The following ERGIC1 variants were observed in gnomAD, a reference collection of about 807,000 sequenced individuals.
The protein encoded by ERGIC1 is endoplasmic reticulum-golgi intermediate compartment 1.
In ERGIC1, 19 loss-of-function variants were observed where a neutral mutation model predicts 38.3. The ratio of observed to expected loss-of-function variants is 0.50; its 90% CI spans 0.35 to 0.73. The LOEUF is 0.73. Among genes scored for constraint, ERGIC1 ranks in the 30% least tolerant of loss-of-function variants. ERGIC1 has a pLI of 0.01. For synonymous variants in ERGIC1, 124 were observed against 157.6 expected (o/e 0.79, Z 1.60); for missense variants, 294 against 389.2 (o/e 0.76, Z 2.06).
chr5:172,860,528 T>G (rs1761670295), intron 1 of ERGIC1, among the ~76,000 whole-genome samples: 2 of 152,202 alleles, frequency 1.3e-5, no homozygotes, highest in African/African-American at 4.8e-5. Context: ...CCACTGCACC[T>G]CACTGCATGC....
intron 1 of ERGIC1, among the ~76,000 whole-genome samples, chr5:172,851,278 G>A (rs1345005826): frequency 6.6e-6 from 1 of 151,374 alleles, no homozygotes; most frequent in Non-Finnish European, 1.5e-5. Context: ...GGAGGCCGAG[G>A]CAGCCGGATC....
chr5:172,893,299 C>T (rs2113287834), intron 2 of ERGIC1, among the ~76,000 whole-genome samples: 1 of 152,242 alleles, frequency 6.6e-6, no homozygotes, highest in Admixed American at 6.5e-5. Context: ...AGGCGCCTGC[C>T]ACCGCACCTG....
chr5:172,915,219 C>G, intron 5 of ERGIC1: 2 of 600,590 alleles, frequency 3.3e-6, no homozygotes, highest in Non-Finnish European at 6.0e-6. Context: ...TATCACGATA[C>G]CACCCACTTC....
chr5:172,868,293 G>A (rs1414122617), intron 1 of ERGIC1, among the ~76,000 whole-genome samples: 1 of 152,204 alleles, frequency 6.6e-6, no homozygotes, highest in Non-Finnish European at 1.5e-5. Flanking sequence ...AGACAGCAGA[G>A]CCCCTGGCTC....
intron 7 of ERGIC1, 121 bp from the exon 8 acceptor site, chr5:172,932,314 TA>T: frequency 1.1e-6 from 1 of 907,564 alleles, no homozygotes; most frequent in Non-Finnish European, 1.7e-6. Flanking sequence ...TGGTTGGTGG[TA>T]AAACTGGGGA....
chr5:172,864,057 C>T (rs1469927062), intron 1 of ERGIC1, among the ~76,000 whole-genome samples: 1 of 151,880 alleles, frequency 6.6e-6, no homozygotes, highest in Admixed American at 6.6e-5. Context: ...ATTAGCTGGG[C>T]ATGGTGGTGC....
At chr5:172,863,474 T>G (rs1355731511) in intron 1 of ERGIC1, among the ~76,000 whole-genome samples, 1 of 152,218 alleles carries the variant, frequency 6.6e-6, no homozygotes, top group Non-Finnish European at 1.5e-5. Flanking sequence ...ACCTCCTTCC[T>G]GACGGCCAGG....
rs1003720973 is a variant in ERGIC1, at chr5:172,952,024, C to T, written c.*1208C>T. ...CCCCACCTGCTCCTGAGGTGGGTCC[C>T]TACCCTGCTGCTCCTCTTCATCCTT... On this transcript the variant is annotated 3_prime_UTR_variant, in exon 10 of 10. Transcript: ENST00000393784. 3.3e-5 allele frequency: 5 copies of T among 152,250 alleles called. No individual in the cohort carries two copies. Among genetic ancestry groups the T allele is most frequent in the South Asian group, 2.1e-4 (1 of 4,828 alleles). The allele number at this position is 152,250 out of a possible 1,614,324, so 9.4% of individuals were successfully genotyped here.
At chr5:172,902,795 G>A (rs1247926944) in intron 3 of ERGIC1, among the ~76,000 whole-genome samples, 7 of 149,800 alleles carry the variant, frequency 4.7e-5, no homozygotes, top group Admixed American at 1.3e-4. Flanking sequence ...AGGCCTCACC[G>A]CCGCCTAAGT....
rs114588127 is a variant in ERGIC1, at chr5:172,850,004, C to G, written c.20+15571C>G. Among the ~76,000 whole-genome samples, 1,073 of 152,238 alleles carry G rather than the reference C, an allele frequency of 7.0e-3. 6 individuals are homozygous for G. Among genetic ancestry groups the G allele is most frequent in the Middle Eastern group, 0.017 (5 of 294 alleles). ...TTGCCTCATTTTACAGGTGAGAGAACCGAGGTGGCGTGATCTGATCTAGTG... is the reference window on the plus strand; with the variant it reads ...TTGCCTCATTTTACAGGTGAGAGAAGCGAGGTGGCGTGATCTGATCTAGTG... On this transcript the variant is annotated intron_variant, in intron 1 of 9. Transcript: ENST00000393784.
Position 172,926,643 on chromosome 5 carries a change from G to A in ERGIC1, c.541+74G>A. 6.4e-7 allele frequency: 1 copy of A among 1,551,626 alleles called. No homozygotes were observed. The highest frequency in any genetic ancestry group is 1.7e-5 in the Admixed American group (1 of 59,804). On this transcript the variant is annotated intron_variant, in intron 7 of 9. Transcript: ENST00000393784. The surrounding 1 kb of genome is among the most constrained non-coding windows in gnomAD (Gnocchi z 5.2). ...AGCAGGCAGGGAGGGGGAGGGCAGA[G>A]AGGTGGGGGTGCCTGTCCAGCACCC...
At chr5:172,839,076 A>C (rs1395992756) in intron 1 of ERGIC1, among the ~76,000 whole-genome samples, 1 of 151,724 alleles carries the variant, frequency 6.6e-6, no homozygotes, top group Non-Finnish European at 1.5e-5. Context: ...CCCCGTCTCT[A>C]ATAAAAATAC....
intron 1 of ERGIC1, among the ~76,000 whole-genome samples, chr5:172,835,418 C>G (rs971753919): frequency 6.6e-6 from 1 of 152,198 alleles, no homozygotes; most frequent in African/African-American, 2.4e-5. Flanking sequence ...GTTTCACCAC[C>G]TGCAAATTGG....
chr5:172,903,470 G>GC (rs1204943165), intron 3 of ERGIC1, among the ~76,000 whole-genome samples: 2 of 152,208 alleles, frequency 1.3e-5, no homozygotes, highest in East Asian at 3.9e-4. Flanking sequence ...TGGGCTCTGG[G>GC]CCCCCTGTCC....
At chr5:172,945,789 A>G (rs1221554258) in intron 9 of ERGIC1, among the ~76,000 whole-genome samples, 1 of 152,110 alleles carries the variant, frequency 6.6e-6, no homozygotes, top group Non-Finnish European at 1.5e-5. Flanking sequence ...GGTTCAAGCA[A>G]TTCTCATGCA....
intron 2 of ERGIC1, among the ~76,000 whole-genome samples, chr5:172,894,001 G>A (rs1381203851): frequency 1.5e-5 from 2 of 137,576 alleles, no homozygotes; most frequent in Non-Finnish European, 3.1e-5. Flanking sequence ...GGGAATCGGG[G>A]GCTGCAGATC....
chr5:172,945,012 G>T (rs1764092043), intron 9 of ERGIC1, among the ~76,000 whole-genome samples: 1 of 152,156 alleles, frequency 6.6e-6, no homozygotes, highest in Non-Finnish European at 1.5e-5. Context: ...CCACCCATTG[G>T]CTCCTCATTC....
Position 172,950,730 on chromosome 5 carries a change from A to T in ERGIC1, c.787A>T (p.Thr263Ser). Residue 263 changes from threonine (T) to serine (S), a missense_variant, in exon 10 of 10, where the codon ACC becomes TCC. Transcript: ENST00000393784. ...GCAGATCTGTGCCATCATTGGCGGG[A>T]CCTTCACCGTCGCCGGCATCCTGGA... ...ITTICAIIGG[T>S]FTVAGILDSC... is the part of the protein sequence containing the mutation. 6.2e-7 allele frequency: 1 copy of T among 1,612,596 alleles called. No homozygotes were observed. The highest frequency in any genetic ancestry group is 8.5e-7 in the Non-Finnish European group (1 of 1,179,052).
intron 3 of ERGIC1, chr5:172,906,177 G>T: frequency 2.2e-6 from 1 of 456,192 alleles, no homozygotes; most frequent in Non-Finnish European, 4.4e-6. Flanking sequence ...AAGGTCAAGC[G>T]CAGGTCCGTG....
Sources: allele counts gnomAD v4.1 joint callset (sites outside exome capture counted in the v4.1 genomes callset), GRCh38; gene constraint gnomAD v4.1.1; non-coding constraint Gnocchi (gnomAD v3.1); transcripts MANE v1.5; gene names NCBI Gene and HGNC (gene_info 2026-07-23, HGNC 2026-07-21).